Variants in TMEM74 observed in about 807,000 individuals in gnomAD.
TMEM74 encodes the protein transmembrane protein 74.
In TMEM74, 13 loss-of-function variants were observed where a neutral mutation model predicts 18.1. That is an observed-to-expected ratio of 0.72 (90% CI 0.47 to 1.14). The LOEUF (loss-of-function observed/expected upper bound fraction) is 1.14. Ranked by LOEUF, TMEM74 falls within the 50% of genes most tolerant of loss-of-function variation. The pLI, the probability that TMEM74 is intolerant of heterozygous loss-of-function variation, is 0.00. For missense variants in TMEM74, 372 were observed against 375.9 expected, an observed-to-expected ratio of 0.99 and a Z score of 0.09; for synonymous variants, 159 against 146.6, an observed-to-expected ratio of 1.08 and a Z score of -0.61.
chr8:108,634,382 C>A (rs943593565), intron 2 of TMEM74, among the ~76,000 whole-genome samples: 3 of 151,878 alleles, frequency 2.0e-5, no homozygotes, highest in Admixed American at 1.3e-4. Flanking sequence ...TATGTTCAAC[C>A]AAATGCTACT....
intron 1 of TMEM74, among the ~76,000 whole-genome samples, chr8:108,696,712 G>A (rs1467575653): frequency 6.6e-6 from 1 of 152,192 alleles, no homozygotes; most frequent in African/African-American, 2.4e-5. Context: ...GCTCTCCAAA[G>A]ATGTTAAAAT....
At chr8:108,785,209 G>T in intron 1 of TMEM74, 72 bp from the exon 2 acceptor site, 1 of 1,221,942 alleles carries the variant, frequency 8.2e-7, no homozygotes. Flanking sequence ...TGTTGCTCCT[G>T]GGGTCCCCAT....
chr8:108,636,749 G>C (rs1041195577), intron 2 of TMEM74, among the ~76,000 whole-genome samples: 2 of 150,340 alleles, frequency 1.3e-5, no homozygotes, highest in African/African-American at 5.0e-5. Context: ...CAGGAATCAC[G>C]CCTTATATAG....
At chr8:108,708,951 TA>T (rs978061562) in intron 1 of TMEM74, among the ~76,000 whole-genome samples, 117 of 152,010 alleles carry the variant, frequency 7.7e-4, no homozygotes, top group African/African-American at 2.7e-3. Flanking sequence ...ATTAATTATT[TA>T]AAAATGCAAA....
At chr8:108,785,900 T>C (rs1814378751) in intron 1 of TMEM74, among the ~76,000 whole-genome samples, 2 of 152,128 alleles carry the variant, frequency 1.3e-5, no homozygotes, top group African/African-American at 4.8e-5. Context: ...CCCCAAAGCA[T>C]ACAGGCAACA....
intron 1 of TMEM74, among the ~76,000 whole-genome samples, chr8:108,728,720 C>T (rs1467255837): frequency 1.3e-5 from 2 of 152,148 alleles, no homozygotes; most frequent in Non-Finnish European, 2.9e-5. Context: ...CTAATCAGCT[C>T]CAATTAATTC....
chr8:108,673,425 T>G (rs1316482781), intron 1 of TMEM74, among the ~76,000 whole-genome samples: 3 of 152,186 alleles, frequency 2.0e-5, no homozygotes, highest in African/African-American at 7.2e-5. Flanking sequence ...GGAAGCATAT[T>G]GGCACCAAGA....
chr8:108,766,785 C>T (rs1472430945), intron 1 of TMEM74, among the ~76,000 whole-genome samples: 3 of 152,126 alleles, frequency 2.0e-5, no homozygotes, highest in East Asian at 1.9e-4. Flanking sequence ...GTAGGGAAGC[C>T]GCCAGCGCAG....
At chr8:108,703,428 G>A (rs1222995232) in intron 1 of TMEM74, among the ~76,000 whole-genome samples, 1 of 152,094 alleles carries the variant, frequency 6.6e-6, no homozygotes, top group Middle Eastern at 3.2e-3. Context: ...ATTTTGTCAG[G>A]GAAGAGGAAT....
intron 1 of TMEM74, among the ~76,000 whole-genome samples, chr8:108,680,776 T>C (rs138645392): frequency 0.72 from 109,868 of 152,066 alleles, 40,203 homozygotes; most frequent in East Asian, 0.99. Flanking sequence ...CCCATCGTCT[T>C]AGCCCAAAAT....
intron 2 of TMEM74, among the ~76,000 whole-genome samples, chr8:108,649,655 A>G (rs1812753423): frequency 6.6e-6 from 1 of 152,178 alleles, no homozygotes; most frequent in Non-Finnish European, 1.5e-5. Flanking sequence ...CTGACACCAG[A>G]CAAGCAGCCA....
In TMEM74 at chr8:108,783,984, T is replaced by C; in HGVS notation, c.*197A>G. ...TCTTCAGAAGGATAGGTGTGGCTGG[T>C]TGTGGTTTCTTATACATCTTACATG... On this transcript the variant is annotated 3_prime_UTR_variant, in exon 2 of 2. Transcript: ENST00000297459. The C allele has an allele frequency of 2.2e-6, 1 of 454,202 alleles. No homozygotes were observed. Among genetic ancestry groups the C allele is most frequent in the Non-Finnish European group, 3.8e-6 (1 of 260,066 alleles). The allele number at this position is 454,202 out of a possible 1,614,324, so 28.1% of individuals were successfully genotyped here.
chr8:108,657,875 T>TATATATATATATATATATATTAATTAC (rs1812857217), intron 1 of TMEM74, among the ~76,000 whole-genome samples: 2 of 55,560 alleles, frequency 3.6e-5, no homozygotes, highest in African/African-American at 1.5e-4. Flanking sequence ...TATATATATA[T>TATATATATATATATATATATTAATTAC]ATATATATAT....
At chr8:108,716,358 C>G (rs189410903) in intron 1 of TMEM74, among the ~76,000 whole-genome samples, 1 of 151,848 alleles carries the variant, frequency 6.6e-6, no homozygotes, top group African/African-American at 2.4e-5. Context: ...AAATAATTAA[C>G]GAATTCAAAA....
chr8:108,732,558 A>T (rs1813706940), intron 1 of TMEM74, among the ~76,000 whole-genome samples: 1 of 152,180 alleles, frequency 6.6e-6, no homozygotes, highest in African/African-American at 2.4e-5. Flanking sequence ...ATTAAAATAT[A>T]GAATCTAGAA....
At chr8:108,686,423 C>T (rs1248368345) in intron 1 of TMEM74, among the ~76,000 whole-genome samples, 1 of 151,756 alleles carries the variant, frequency 6.6e-6, no homozygotes, top group African/African-American at 2.4e-5. Context: ...AGGATGGTCT[C>T]GATCTCCTGA....
At chr8:108,728,686 T>C (rs1813664696) in intron 1 of TMEM74, among the ~76,000 whole-genome samples, 1 of 152,214 alleles carries the variant, frequency 6.6e-6, no homozygotes, top group Non-Finnish European at 1.5e-5. Context: ...TTTGTATAGA[T>C]AAACTAGTTG....
intron 1 of TMEM74, among the ~76,000 whole-genome samples, chr8:108,769,299 C>T (rs796292022): frequency 5.3e-5 from 8 of 152,180 alleles, no homozygotes; most frequent in African/African-American, 1.9e-4. Context: ...TGCACTCCAG[C>T]CTGGGTGACA....
In TMEM74 at chr8:108,630,400, G is replaced by C. The variant is rs544342615; in HGVS notation, n.265-21574C>G. ...TAGTGGGAGACTTTAACACCCCAAT[G>C]TCAATATTAGACAGATCGACGAGAC... On this transcript the variant is annotated intron_variant and non_coding_transcript_variant, in intron 2 of 3. Transcript: ENST00000518838. 3.3e-5 allele frequency among the ~76,000 whole-genome samples: 5 copies of C among 152,152 alleles called. 1 individual carries two copies. In the Middle Eastern group the frequency reaches 0.01, roughly 311 times the overall value.
Sources: allele counts gnomAD v4.1 joint callset (sites outside exome capture counted in the v4.1 genomes callset), GRCh38; gene constraint gnomAD v4.1.1; transcripts MANE v1.5; gene names NCBI Gene and HGNC (gene_info 2026-07-23, HGNC 2026-07-21).